The following PIK3C3 variants were observed in gnomAD, a reference collection of about 807,000 sequenced individuals.
The protein encoded by PIK3C3 is PI3-kinase type 3.
PIK3C3 carries 95 observed loss-of-function variants against 126.1 expected under a neutral mutation model. The ratio of observed to expected loss-of-function variants is 0.75; its 90% confidence interval spans 0.64 to 0.89. PIK3C3 has a LOEUF of 0.89. PIK3C3 is among the 40% of genes least tolerant of loss of function. The pLI, the probability that PIK3C3 is intolerant of heterozygous loss-of-function variation, is 0.00. For missense variants in PIK3C3, 829 were observed against 1,063.2 expected (o/e 0.78, Z 3.06); for synonymous variants, 374 against 360.0 (o/e 1.04, Z -0.44).
intron 20 of PIK3C3, chr18:42,049,255 C>T: frequency 3.7e-6 from 1 of 266,896 alleles, no homozygotes. Flanking sequence ...AATTGCTAGG[C>T]CCATGTTATA....
intron 24 of PIK3C3, among the ~76,000 whole-genome samples, chr18:42,076,197 C>CACATATATATATGCACACAT (rs1555643472): frequency 8.4e-6 from 1 of 119,324 alleles, no homozygotes; most frequent in African/African-American, 3.7e-5. Flanking sequence ...TATATGCACA[C>CACATATATATATGCACACAT]ATATATATAT....
intron 10 of PIK3C3, among the ~76,000 whole-genome samples, chr18:42,010,302 C>G (rs1001829122): frequency 2.0e-5 from 3 of 152,148 alleles, no homozygotes; most frequent in African/African-American, 7.2e-5. Flanking sequence ...CATGTTCAGG[C>G]TGCACCTCTA....
At chr18:42,036,739 T>TA (rs1299531567) in intron 16 of PIK3C3, among the ~76,000 whole-genome samples, 1 of 152,118 alleles carries the variant, frequency 6.6e-6, no homozygotes, top group Non-Finnish European at 1.5e-5. Context: ...GAATAAAAGA[T>TA]ACAGATATTT....
At chr18:42,075,029 C>T (rs1482363065) in intron 24 of PIK3C3, among the ~76,000 whole-genome samples, 1 of 152,110 alleles carries the variant, frequency 6.6e-6, no homozygotes, top group Non-Finnish European at 1.5e-5. Context: ...TATAGTCTCC[C>T]TTTATATTTA....
intron 4 of PIK3C3, among the ~76,000 whole-genome samples, chr18:41,977,655 T>C (rs1217029525): frequency 6.6e-6 from 1 of 152,086 alleles, no homozygotes; most frequent in Non-Finnish European, 1.5e-5. Flanking sequence ...GCCCGGCTAA[T>C]TTTTGTAATT....
At chr18:42,001,012 GC>G (rs1422225296) in intron 9 of PIK3C3, among the ~76,000 whole-genome samples, 1 of 152,118 alleles carries the variant, frequency 6.6e-6, no homozygotes, top group African/African-American at 2.4e-5. Flanking sequence ...CATTGGAAAA[GC>G]AGCAAAATAG....
In PIK3C3 at chr18:42,015,522, C is replaced by G. The variant is rs1435981698; in HGVS notation, c.1372C>G (p.Pro458Ala). ...SPLPSVSSPP[P>A]ASKTKEVPDG... Reference sequence around the variant, plus strand: ...CCTTCCTTCAGTCTCTTCACCTCCTCCTGCATCAAAAACAAAAGAAGTTCC... The same window carrying G: ...CCTTCCTTCAGTCTCTTCACCTCCTGCTGCATCAAAAACAAAAGAAGTTCC... The change falls in exon 12 of 25, where the codon CCT becomes GCT. Residue 458 changes from proline to alanine, a missense_variant. Physicochemically the swap from Pro to Ala is conservative, Grantham distance 27 (BLOSUM62 -1). Coordinates refer to ENST00000262039, the MANE Select transcript of PIK3C3 (RefSeq NM_002647.4). 1 of 1,613,628 alleles carries G rather than the reference C, an allele frequency of 6.2e-7. No individual in the cohort carries two copies. The highest frequency in any genetic ancestry group is 1.7e-5 in the Admixed American group (1 of 59,968).
chr18:42,035,093 C>G (rs1162206049), intron 16 of PIK3C3, among the ~76,000 whole-genome samples: 1 of 152,114 alleles, frequency 6.6e-6, no homozygotes, highest in Non-Finnish European at 1.5e-5. Context: ...CAGATTACAA[C>G]CTGCAAGTTA....
intron 20 of PIK3C3, 23 bp from the exon 21 acceptor site, chr18:42,049,508 A>AT (rs762902776): frequency 9.4e-5 from 149 of 1,584,288 alleles, no homozygotes; most frequent in Middle Eastern, 6.6e-4. Flanking sequence ...GTTTTCACAT[A>AT]TTTTTTTTAA....
At chr18:42,056,306 CTGT>C (rs1389722062) in intron 21 of PIK3C3, among the ~76,000 whole-genome samples, 6 of 151,802 alleles carry the variant, frequency 4.0e-5, no homozygotes, top group Admixed American at 2.0e-4. Context: ...AGTAGTAATC[CTGT>C]TGTTTGAGTT....
intron 24 of PIK3C3, among the ~76,000 whole-genome samples, chr18:42,076,291 C>G (rs1190013295): frequency 6.7e-6 from 1 of 149,628 alleles, no homozygotes; most frequent in East Asian, 2.0e-4. Flanking sequence ...ATTTAGAGAC[C>G]TGAATAGCTT....
At chr18:41,996,762 T>C in intron 9 of PIK3C3, 32 bp downstream of exon 9, 1 of 1,023,684 alleles carries the variant, frequency 9.8e-7, no homozygotes, top group South Asian at 1.5e-5. Context: ...ATATATCAAA[T>C]TTATCTACCA....
chr18:41,965,194 T>C (rs533846113), intron 3 of PIK3C3, among the ~76,000 whole-genome samples: 2 of 152,340 alleles, frequency 1.3e-5, no homozygotes, highest in East Asian at 3.9e-4. Context: ...TAACCAGACA[T>C]TCCTCTTGGT....
chr18:42,053,414 C>T (rs1984893198), intron 21 of PIK3C3, among the ~76,000 whole-genome samples: 2 of 152,018 alleles, frequency 1.3e-5, no homozygotes, highest in South Asian at 2.1e-4. Context: ...AAAAGTGTAG[C>T]GATTGTATTG....
chr18:41,979,005 G>A (rs527438965), intron 4 of PIK3C3, among the ~76,000 whole-genome samples: 184 of 148,920 alleles, frequency 1.2e-3, no homozygotes, highest in Non-Finnish European at 1.0e-3. Flanking sequence ...TGAGGCAGGA[G>A]GATTGCTTGA....
chr18:42,065,201 CT>C (rs891449389), intron 23 of PIK3C3, among the ~76,000 whole-genome samples: 5 of 152,130 alleles, frequency 3.3e-5, no homozygotes, highest in East Asian at 1.9e-4. Flanking sequence ...TATTATCTCT[CT>C]TTTTTTTAAT....
At chr18:41,987,549 A>T (rs1031782405) in intron 4 of PIK3C3, among the ~76,000 whole-genome samples, 22 of 152,186 alleles carry the variant, frequency 1.4e-4, no homozygotes, top group African/African-American at 5.1e-4. Flanking sequence ...AGGAACACGG[A>T]GATAATTTCA....
chr18:41,980,850 C>T (rs934736980), intron 4 of PIK3C3, among the ~76,000 whole-genome samples: 2 of 152,126 alleles, frequency 1.3e-5, no homozygotes, highest in Admixed American at 6.5e-5. Flanking sequence ...TTGAAGAATG[C>T]ATTTGTTACT....
chr18:42,018,746 A>G (rs1255487802), intron 12 of PIK3C3, among the ~76,000 whole-genome samples: 1 of 152,098 alleles, frequency 6.6e-6, no homozygotes, highest in Non-Finnish European at 1.5e-5. Flanking sequence ...CATAGCTTTT[A>G]TCCCATGGCT....
Sources: gnomAD v4.1 joint callset for allele counts (sites outside exome capture counted in the v4.1 genomes callset) on GRCh38, gnomAD v4.1.1 for gene constraint, MANE v1.5 for transcripts, NCBI Gene and HGNC (gene_info 2026-07-23, HGNC 2026-07-21) for gene names.